Variants in ASAH2 observed in about 807,000 individuals in gnomAD.
ASAH2 encodes the protein neutral ceramidase.
Under a neutral mutation model 82.9 loss-of-function variants are expected in ASAH2, and 58 were observed. The ratio of observed to expected loss-of-function variants is 0.70; its 90% CI spans 0.57 to 0.87. The LOEUF is 0.87. Among genes scored for constraint, ASAH2 ranks in the 40% least tolerant of loss-of-function variants. The probability of loss-of-function intolerance (pLI) is 0.00; values close to 1 mark genes in which losing one functional copy is unlikely to be tolerated. For missense variants in ASAH2, 779 were observed against 834.0 expected (o/e 0.93, Z 0.81); for synonymous variants, 276 against 289.7 (o/e 0.95, Z 0.48).
In ASAH2 at chr10:50,243,449, G is replaced by C. The variant is rs1253806030; in HGVS notation, c.361-98C>G. The C allele has an allele frequency of 3.1e-6, 4 of 1,277,328 alleles. No homozygotes were observed. The African/African-American group carries it at 6.0e-5, about 19-fold the overall frequency. The allele number at this position is 1,277,328 out of a possible 1,614,324, so 79.1% of individuals were successfully genotyped here. On this transcript the variant is annotated intron_variant, in intron 3 of 20. Coordinates refer to ENST00000682911, the MANE Select transcript of ASAH2 (RefSeq NM_019893.4). ...ATATAGACGACTGCAGAAAAACAAA[G>C]AAAAACATCCACATGACATGGTGGC...
chr10:50,242,828 G>A (rs1846339980), intron 4 of ASAH2, among the ~76,000 whole-genome samples: 1 of 152,146 alleles, frequency 6.6e-6, no homozygotes, highest in Non-Finnish European at 1.5e-5. Context: ...ATTCTCAATT[G>A]TCTGAGAACT....
At chr10:50,224,292 G>A (rs1405328745) in intron 7 of ASAH2, among the ~76,000 whole-genome samples, 5 of 152,090 alleles carry the variant, frequency 3.3e-5, no homozygotes, top group Non-Finnish European at 7.4e-5. Flanking sequence ...TATTGGTGAT[G>A]CTATACTGAT....
At chr10:50,216,044 A>G (rs1275903283) in intron 8 of ASAH2, among the ~76,000 whole-genome samples, 2 of 152,068 alleles carry the variant, frequency 1.3e-5, no homozygotes, top group Admixed American at 1.3e-4. Context: ...CATCATTCTC[A>G]GCAAACTAAC....
intron 7 of ASAH2, among the ~76,000 whole-genome samples, chr10:50,225,208 G>T (rs1845848164): frequency 6.6e-6 from 1 of 152,138 alleles, no homozygotes; most frequent in Non-Finnish European, 1.5e-5. Flanking sequence ...GCCAAGGCAG[G>T]AGTTTGAAAC....
intron 7 of ASAH2, among the ~76,000 whole-genome samples, chr10:50,232,791 C>A (rs1430147141): frequency 6.6e-6 from 1 of 152,078 alleles, no homozygotes; most frequent in Admixed American, 6.6e-5. Flanking sequence ...AATCACTTTC[C>A]TGGTTGGTTA....
At chr10:50,216,382 T>A (rs1845603079) in intron 8 of ASAH2, among the ~76,000 whole-genome samples, 1 of 152,164 alleles carries the variant, frequency 6.6e-6, no homozygotes, top group Admixed American at 6.6e-5. Context: ...ACAGTCGGTA[T>A]ACATATTATT....
chr10:50,189,242 CAG>C (rs1326512106), intron 20 of ASAH2, among the ~76,000 whole-genome samples: 76 of 144,426 alleles, frequency 5.3e-4, no homozygotes, highest in Non-Finnish European at 8.1e-4. Flanking sequence ...GGAAAAAAAA[CAG>C]AACAGATGTC....
intron 7 of ASAH2, among the ~76,000 whole-genome samples, chr10:50,223,761 A>G (rs1422070939): frequency 6.6e-6 from 1 of 152,200 alleles, no homozygotes; most frequent in Non-Finnish European, 1.5e-5. Flanking sequence ...TCTAAATCCA[A>G]TGACTAGCAT....
chr10:50,229,312 C>T (rs1417237553), intron 7 of ASAH2, among the ~76,000 whole-genome samples: 2 of 152,042 alleles, frequency 1.3e-5, no homozygotes, highest in Non-Finnish European at 2.9e-5. Context: ...ACATGTTCTC[C>T]ATGTCTGGAG....
At chr10:50,204,525 T>G (rs964056704) in intron 14 of ASAH2, among the ~76,000 whole-genome samples, 1 of 152,070 alleles carries the variant, frequency 6.6e-6, no homozygotes, top group Admixed American at 6.6e-5. Context: ...CATTCTTCCA[T>G]GCTTTTAATA....
chr10:50,247,614 G>A (rs550921970), intron 2 of ASAH2, among the ~76,000 whole-genome samples: 2 of 152,094 alleles, frequency 1.3e-5, no homozygotes, highest in African/African-American at 2.4e-5. Context: ...AAAAGAGACA[G>A]GCTACAAAAG....
rs949132510 is a variant in ASAH2, at chr10:50,221,874, G to T, written c.894-3244C>A. 1.4e-3 allele frequency among the ~76,000 whole-genome samples: 215 copies of T among 152,210 alleles called. 1 individual carries two copies. The highest frequency in any genetic ancestry group is 4.6e-3 in the African/African-American group (192 of 41,534). On this transcript the variant is annotated intron_variant, in intron 7 of 20. Transcript: ENST00000682911. ...CACCAGGAACATAAAGATAAATGAG[G>T]TATCATCTTGGCCTTGAGACATGCT...
At chr10:50,214,602 C>T in intron 9 of ASAH2, 141 bp downstream of exon 9, 13 of 1,031,488 alleles carry the variant, frequency 1.3e-5, no homozygotes, top group Non-Finnish European at 1.6e-5. Context: ...TGGACAGGTG[C>T]TTTTGAGAAG....
At chr10:50,203,554 T>G (rs1845215966) in intron 15 of ASAH2, 86 bp downstream of exon 15, 1 of 672,218 alleles carries the variant, frequency 1.5e-6, no homozygotes. Flanking sequence ...AATGTGGAAC[T>G]CTAGATATAG....
At chr10:50,217,229 C>CTTTT (rs878958733) in intron 8 of ASAH2, among the ~76,000 whole-genome samples, 2 of 136,904 alleles carry the variant, frequency 1.5e-5, no homozygotes, top group Non-Finnish European at 3.1e-5. Context: ...TGTTTTCTTT[C>CTTTT]TTTTTTTTTT....
intron 18 of ASAH2, among the ~76,000 whole-genome samples, chr10:50,196,571 T>C (rs1844989655): frequency 6.8e-6 from 1 of 147,390 alleles, no homozygotes; most frequent in African/African-American, 2.6e-5. Flanking sequence ...TAATTTGGAT[T>C]TTAGAATTTC....
At chr10:50,235,833 TA>T in intron 5 of ASAH2, 54 bp downstream of exon 5, 2 of 1,580,550 alleles carry the variant, frequency 1.3e-6, no homozygotes, top group Non-Finnish European at 1.7e-6. Flanking sequence ...CAATCACTCC[TA>T]AAATACCTGT....
At chr10:50,194,073 T>C (rs1451330861) in intron 18 of ASAH2, among the ~76,000 whole-genome samples, 2 of 151,366 alleles carry the variant, frequency 1.3e-5, no homozygotes, top group East Asian at 1.9e-4. Context: ...GCCTTGCTGG[T>C]CAATCCAATC....
chr10:50,243,063 A>G, intron 4 of ASAH2, 139 bp downstream of exon 4: 2 of 1,000,320 alleles, frequency 2.0e-6, no homozygotes, highest in Non-Finnish European at 3.0e-6. Flanking sequence ...TATCTGCTAT[A>G]TTGTCCAGAG....
Sources: gnomAD v4.1 joint callset for allele counts (sites outside exome capture counted in the v4.1 genomes callset) on GRCh38, gnomAD v4.1.1 for gene constraint, MANE v1.5 for transcripts, NCBI Gene and HGNC (gene_info 2026-07-23, HGNC 2026-07-21) for gene names.